SHANK2: variants seen among roughly 807,000 people sequenced by gnomAD.
SHANK2 encodes SH3 and multiple ankyrin repeat domains protein 2.
SHANK2 carries 43 observed loss-of-function variants against 133.7 expected under a neutral mutation model. The observed-to-expected ratio is 0.32, with a 90% CI of 0.25 to 0.41. SHANK2 has a LOEUF of 0.41. Among genes scored for constraint, SHANK2 ranks in the 10% least tolerant of loss-of-function variants. The probability of loss-of-function intolerance (pLI) is 1.00; values close to 1 mark genes in which losing one functional copy is unlikely to be tolerated. For synonymous variants in SHANK2, 1,017 were observed against 952.8 expected, an observed-to-expected ratio of 1.07 and a Z score of -1.24; for missense variants, 1,994 against 2,235.8, an observed-to-expected ratio of 0.89 and a Z score of 2.18.
chr11:71,097,410 A>T (rs75091885), intron 6 of SHANK2, among the ~76,000 whole-genome samples: 2,001 of 152,330 alleles, frequency 0.013, 15 homozygotes, highest in East Asian at 0.046. Flanking sequence ...CCACACAGTT[A>T]TCTGGCACCA....
At chr11:70,831,563 C>T (rs1948726157) in intron 11 of SHANK2, among the ~76,000 whole-genome samples, 1 of 152,190 alleles carries the variant, frequency 6.6e-6, no homozygotes, top group Non-Finnish European at 1.5e-5. Context: ...ATACACTGCA[C>T]CACCCCCTCA....
rs1226169434 is a variant in SHANK2 at position 71,118,691 on chromosome 11, C to T, written c.411+138G>A. The T allele has an allele frequency of 5.2e-6, 4 of 776,270 alleles. No homozygotes were observed. The South Asian group carries it at 8.3e-5, about 16-fold the overall frequency. The allele number at this position is 776,270 out of a possible 1,614,324, so 48.1% of individuals were successfully genotyped here. On this transcript the variant is annotated intron_variant, in intron 4 of 25. Transcript: ENST00000601538. ...CAAATCATATCAAACCTCAAGACCC[C>T]AGACTGATTTTTAAATGTGGGGATA...
chr11:70,937,136 C>T (rs1422280076), intron 10 of SHANK2, among the ~76,000 whole-genome samples: 1 of 152,156 alleles, frequency 6.6e-6, no homozygotes, highest in Admixed American at 6.5e-5. Context: ...CAAGCTAAGA[C>T]GCTGTGCAGG....
chr11:70,880,861 G>A (rs1423329320), intron 11 of SHANK2, among the ~76,000 whole-genome samples: 1 of 152,218 alleles, frequency 6.6e-6, no homozygotes, highest in Admixed American at 6.5e-5. Context: ...AGCCACATTT[G>A]CTCAGGTGCA....
chr11:70,690,384 C>A (rs1362448755), intron 15 of SHANK2, among the ~76,000 whole-genome samples: 1 of 149,700 alleles, frequency 6.7e-6, no homozygotes, highest in Non-Finnish European at 1.5e-5. Flanking sequence ...AAAAAAAACT[C>A]ATTGGGTTGT....
chr11:70,581,353 TG>T (rs1384822027), intron 17 of SHANK2, among the ~76,000 whole-genome samples: 3 of 116,970 alleles, frequency 2.6e-5, no homozygotes, highest in South Asian at 3.7e-4. Context: ...TTTTTGTTAC[TG>T]TTTTTTTTTT....
At chr11:70,634,508 A>G (rs1325921327) in intron 17 of SHANK2, 1 of 152,228 alleles carries the variant, frequency 6.6e-6, no homozygotes, top group Non-Finnish European at 1.5e-5. Context: ...AGGGGTTAGT[A>G]TCCAGAATGT....
At chr11:70,841,331 G>C (rs1948900976) in intron 11 of SHANK2, among the ~76,000 whole-genome samples, 1 of 152,178 alleles carries the variant, frequency 6.6e-6, no homozygotes, top group Non-Finnish European at 1.5e-5. Flanking sequence ...TGATGCCTGT[G>C]ACACGCCAGG....
At chr11:71,183,209 C>T (rs12292706) in intron 2 of SHANK2, among the ~76,000 whole-genome samples, 5,379 of 152,218 alleles carry the variant, frequency 0.035, 231 homozygotes, top group African/African-American at 0.098. Flanking sequence ...CTCCCTGGAT[C>T]AGGTAGCAAA....
chr11:70,875,681 C>T (rs1274272058), intron 11 of SHANK2, among the ~76,000 whole-genome samples: 1 of 152,046 alleles, frequency 6.6e-6, no homozygotes, highest in African/African-American at 2.4e-5. Flanking sequence ...ACAGTGAAAG[C>T]CCCGTCTCTA....
chr11:70,630,408 GT>G (rs2060968759), intron 17 of SHANK2, among the ~76,000 whole-genome samples: 1 of 152,240 alleles, frequency 6.6e-6, no homozygotes, highest in African/African-American at 2.4e-5. Flanking sequence ...TGCGGACAAA[GT>G]GGCATCTCTA....
chr11:70,648,634 G>T (rs1346459672), intron 17 of SHANK2, among the ~76,000 whole-genome samples: 1 of 152,204 alleles, frequency 6.6e-6, no homozygotes, highest in Admixed American at 6.5e-5. Flanking sequence ...ATTCCAGTGG[G>T]CCTGGGGAGA....
chr11:70,506,613 A>G (rs551698178), intron 17 of SHANK2, among the ~76,000 whole-genome samples: 88 of 152,258 alleles, frequency 5.8e-4, no homozygotes, highest in African/African-American at 2.0e-3. Flanking sequence ...CGGGGTCATG[A>G]GCCACTTCCA....
Position 70,470,432 on chromosome 11 carries a change from T to G in SHANK2, c.*2437A>C, listed in dbSNP as rs2058583858. ...AGTCACGAGTTTCGACTGGTTATCG[T>G]CTGCCAGCGGTTTCCTTGACTCTCC... On this transcript the variant is annotated 3_prime_UTR_variant, in exon 26 of 26. Coordinates refer to ENST00000601538, the MANE Select transcript of SHANK2 (RefSeq NM_012309.5). 1 of 152,450 alleles carries G rather than the reference T, an allele frequency of 6.6e-6. No homozygotes were observed. Among genetic ancestry groups the G allele is most frequent in the Admixed American group, 6.5e-5 (1 of 15,280 alleles). 9.4% of individuals were successfully genotyped at this position (152,450 alleles called of 1,614,324 possible).
At chr11:70,497,864 C>T (rs1317948633) in intron 21 of SHANK2, among the ~76,000 whole-genome samples, 5 of 152,252 alleles carry the variant, frequency 3.3e-5, no homozygotes, top group African/African-American at 1.2e-4. Flanking sequence ...GGAAAATAGG[C>T]TCTGCACTGA....
chr11:70,707,664 T>C (rs1945695284), intron 14 of SHANK2, among the ~76,000 whole-genome samples: 1 of 152,138 alleles, frequency 6.6e-6, no homozygotes, highest in Admixed American at 6.5e-5. Context: ...AGAGCAGAGT[T>C]TACAGGGCTG....
chr11:70,775,024 G>A (rs554556987), intron 14 of SHANK2, among the ~76,000 whole-genome samples: 2 of 152,106 alleles, frequency 1.3e-5, no homozygotes, highest in Non-Finnish European at 2.9e-5. Context: ...GCTGGGTGTG[G>A]TGATGCACAC....
At chr11:70,842,564 G>C (rs1197439613) in intron 11 of SHANK2, among the ~76,000 whole-genome samples, 4 of 152,206 alleles carry the variant, frequency 2.6e-5, no homozygotes, top group Non-Finnish European at 5.9e-5. Flanking sequence ...AGAGAACTGG[G>C]CACAGGGAGG....
intron 12 of SHANK2, among the ~76,000 whole-genome samples, chr11:70,815,167 G>A (rs571670661): frequency 1.4e-3 from 191 of 136,624 alleles, no homozygotes; most frequent in Non-Finnish European, 2.3e-3. Context: ...TAGGAGGATG[G>A]GAGAAGAAAC....
Sources: gnomAD v4.1 joint callset for allele counts (sites outside exome capture counted in the v4.1 genomes callset) on GRCh38, gnomAD v4.1.1 for gene constraint, MANE v1.5 for transcripts, NCBI Gene and HGNC (gene_info 2026-07-23, HGNC 2026-07-21) for gene names.